NECAB1: variants seen among roughly 807,000 people sequenced by gnomAD.
The protein encoded by NECAB1 is N-terminal EF-hand calcium binding protein 1.
A neutral mutation model predicts 57.5 loss-of-function variants in NECAB1; 29 were observed. The observed-to-expected ratio is 0.50, with a 90% CI of 0.38 to 0.69. NECAB1 has a LOEUF of 0.69. Among genes scored for constraint, NECAB1 ranks in the 30% least tolerant of loss-of-function variants. The pLI is 0.00. For synonymous variants in NECAB1, 142 were observed against 147.7 expected (o/e 0.96, Z 0.28); for missense variants, 372 against 413.8 (o/e 0.90, Z 0.88).
intron 3 of NECAB1, among the ~76,000 whole-genome samples, chr8:90,858,389 AATT>A (rs1457493351): frequency 1.3e-5 from 2 of 152,218 alleles, no homozygotes; most frequent in Non-Finnish European, 2.9e-5. Context: ...ACTCTGTTCT[AATT>A]ATTTTATAGA....
rs1274090131 is a variant in NECAB1 at position 90,856,201 on chromosome 8, A to C, written c.234-15927A>C. On this transcript the variant is annotated intron_variant, in intron 3 of 12. Coordinates refer to ENST00000417640, the MANE Select transcript of NECAB1 (RefSeq NM_022351.5). ...GTAACAGTTTCAGTCACTTGTTAAC[A>C]CATTTTCAAATTTTTTAAAGGGAGG... Among the ~76,000 whole-genome samples the C allele has an allele frequency of 2.0e-5, 3 of 152,232 alleles. No individual in the cohort carries two copies. In the East Asian group the frequency reaches 5.8e-4, roughly 29 times the overall value.
intron 5 of NECAB1, among the ~76,000 whole-genome samples, chr8:90,911,517 G>C (rs1040071749): frequency 6.6e-6 from 1 of 152,084 alleles, no homozygotes; most frequent in Admixed American, 6.6e-5. Flanking sequence ...TTTTGCACTT[G>C]AACTCTACAT....
At position 90,845,152 on chromosome 8, in the gene NECAB1, T is replaced by C. The variant is rs936600029; in HGVS notation, c.233+20327T>C. 3.9e-5 allele frequency among the ~76,000 whole-genome samples: 6 copies of C among 152,178 alleles called. No homozygotes were observed. The East Asian group carries it at 1.2e-3, about 29-fold the overall frequency. ...TGCAGAGGGCAATCTACTTTGTCCATATTCCTTTGATTTAAATATTTACCT... is the reference window on the plus strand; with the variant it reads ...TGCAGAGGGCAATCTACTTTGTCCACATTCCTTTGATTTAAATATTTACCT... On this transcript the variant is annotated intron_variant, in intron 3 of 12. Coordinates refer to ENST00000417640, the MANE Select transcript of NECAB1 (RefSeq NM_022351.5).
At chr8:90,950,000 C>A in intron 11 of NECAB1, 116 bp downstream of exon 11, 1 of 552,748 alleles carries the variant, frequency 1.8e-6, no homozygotes, top group South Asian at 3.1e-5. Context: ...TAAAACCTGT[C>A]CCATTTGCCC....
intron 3 of NECAB1, among the ~76,000 whole-genome samples, chr8:90,842,367 C>T (rs1812469257): frequency 6.6e-6 from 1 of 151,930 alleles, no homozygotes; most frequent in Admixed American, 6.6e-5. Flanking sequence ...GTGATGTTGC[C>T]TTTTTTTTGA....
At chr8:90,855,401 T>A (rs975230504) in intron 3 of NECAB1, among the ~76,000 whole-genome samples, 8 of 152,056 alleles carry the variant, frequency 5.3e-5, no homozygotes, top group Admixed American at 4.6e-4. Flanking sequence ...CTTTTAGGAG[T>A]CTTTGGATGT....
At chr8:90,829,670 G>A (rs924175853) in intron 3 of NECAB1, among the ~76,000 whole-genome samples, 2 of 151,982 alleles carry the variant, frequency 1.3e-5, no homozygotes, top group Non-Finnish European at 2.9e-5. Flanking sequence ...CTGAGCACTG[G>A]GATTTCAACC....
intron 3 of NECAB1, among the ~76,000 whole-genome samples, chr8:90,846,841 G>A (rs1229402236): frequency 1.3e-5 from 2 of 152,054 alleles, no homozygotes; most frequent in African/African-American, 4.8e-5. Flanking sequence ...GGAAAAACCT[G>A]CCCCCAATGA....
chr8:90,885,717 A>G (rs1808966018), intron 5 of NECAB1, among the ~76,000 whole-genome samples: 1 of 152,106 alleles, frequency 6.6e-6, no homozygotes, highest in Non-Finnish European at 1.5e-5. Flanking sequence ...TTTAAGGTTT[A>G]TGTGGTTCCA....
intron 3 of NECAB1, among the ~76,000 whole-genome samples, chr8:90,830,142 G>T (rs753333939): frequency 3.9e-5 from 6 of 152,074 alleles, no homozygotes; most frequent in Non-Finnish European, 5.9e-5. Context: ...GGAAGGGTCA[G>T]TGCTCATGGA....
chr8:90,805,909 G>A (rs966252157), intron 2 of NECAB1, among the ~76,000 whole-genome samples: 8 of 152,092 alleles, frequency 5.3e-5, no homozygotes, highest in African/African-American at 1.7e-4. Flanking sequence ...ATAACTGAAA[G>A]TTTGTACCCT....
chr8:90,925,545 G>A lies in NECAB1; in HGVS notation c.505G>A (p.Ala169Thr). The A allele has an allele frequency of 6.2e-7, 1 of 1,612,612 alleles. No homozygotes were observed. Among genetic ancestry groups the A allele is most frequent in the East Asian group, 2.2e-5 (1 of 44,770 alleles). The change falls in exon 7 of 13, where the codon GCC (alanine) becomes ACC (threonine). Residue 169 changes from alanine to threonine, a missense_variant. By Grantham distance (58) the Ala-to-Thr change is moderately conservative. Transcript: ENST00000417640. ...EQTRQERQGP[A>T]KPEVLSIQWP... Reference sequence around the variant, plus strand: ...TCTCTGTTGATCAAGGCAAGGGCCAGCCAAGCCAGAAGTCCTGTCGATTCA... The same window carrying A: ...TCTCTGTTGATCAAGGCAAGGGCCAACCAAGCCAGAAGTCCTGTCGATTCA...
chr8:90,863,265 C>T (rs1281646986), intron 3 of NECAB1, among the ~76,000 whole-genome samples: 4 of 152,066 alleles, frequency 2.6e-5, no homozygotes, highest in Admixed American at 6.6e-5. Flanking sequence ...AATAAGCCCA[C>T]AACATTCGGT....
chr8:90,801,247 T>A (rs1398323199), intron 1 of NECAB1, among the ~76,000 whole-genome samples: 1 of 152,214 alleles, frequency 6.6e-6, no homozygotes, highest in Non-Finnish European at 1.5e-5. Flanking sequence ...CATCCTCTTG[T>A]AATCCACCCT....
At chr8:90,934,589 A>C (rs1563540972) in intron 9 of NECAB1, among the ~76,000 whole-genome samples, 1 of 152,144 alleles carries the variant, frequency 6.6e-6, no homozygotes, top group Non-Finnish European at 1.5e-5. Context: ...AAAATTTTAT[A>C]CATGTATAAA....
chr8:90,949,654 T>A (rs1204032948), intron 10 of NECAB1, among the ~76,000 whole-genome samples, 153 bp from the exon 11 acceptor site: 1 of 152,188 alleles, frequency 6.6e-6, no homozygotes, highest in Non-Finnish European at 1.5e-5. Flanking sequence ...ATAAATAAAT[T>A]CTTGACAAAT....
At chr8:90,882,549 T>G (rs1808864044) in intron 5 of NECAB1, among the ~76,000 whole-genome samples, 1 of 152,182 alleles carries the variant, frequency 6.6e-6, no homozygotes, top group Admixed American at 6.5e-5. Flanking sequence ...GAAATGGCCA[T>G]TAAAAAATTA....
intron 9 of NECAB1, 21 bp from the exon 10 acceptor site, chr8:90,940,765 C>A (rs762312194): frequency 1.3e-6 from 2 of 1,544,870 alleles, no homozygotes; most frequent in South Asian, 2.4e-5. Flanking sequence ...AACGCAGTGA[C>A]CCTCGCCCCT....
intron 3 of NECAB1, among the ~76,000 whole-genome samples, chr8:90,836,235 A>G (rs931832057): frequency 4.6e-5 from 7 of 152,198 alleles, no homozygotes; most frequent in African/African-American, 1.7e-4. Context: ...ACTTAAAAAG[A>G]CGCTCCAACA....
Sources: gnomAD v4.1 joint callset for allele counts (sites outside exome capture counted in the v4.1 genomes callset) on GRCh38, gnomAD v4.1.1 for gene constraint, MANE v1.5 for transcripts, NCBI Gene and HGNC (gene_info 2026-07-23, HGNC 2026-07-21) for gene names.